The following BAAT variants were observed in gnomAD, a reference collection of about 807,000 sequenced individuals.
The protein encoded by BAAT is bile acid-CoA:amino acid N-acyltransferase.
BAAT carries 13 observed loss-of-function variants against 18.9 expected under a neutral mutation model. That is an observed-to-expected ratio of 0.69 (90% CI 0.45 to 1.10). The LOEUF (loss-of-function observed/expected upper bound fraction) is 1.10. Among genes scored for constraint, BAAT ranks in the 50% least tolerant of loss-of-function variants. The pLI is 0.00. For missense variants in BAAT, 489 were observed against 504.0 expected (o/e 0.97, Z 0.28); for synonymous variants, 170 against 190.7 (o/e 0.89, Z 0.89).
At chr9:101,368,033 C>T (rs1046022174) in intron 3 of BAAT, 87 bp downstream of exon 3, 34 of 1,411,168 alleles carry the variant, frequency 2.4e-5, no homozygotes, top group East Asian at 2.1e-4. Context: ...GCCTGGGTGA[C>T]GGAGCAAGAC....
chr9:101,373,485 G>C (rs2119030055), intron 1 of BAAT, among the ~76,000 whole-genome samples: 1 of 152,214 alleles, frequency 6.6e-6, no homozygotes, highest in South Asian at 2.1e-4. Flanking sequence ...AGCTTTCAGG[G>C]CTAGCATAAA....
chr9:101,361,247 C>G lies in BAAT; in HGVS notation c.*1181G>C, dbSNP rs1404912843. Reference sequence around the variant, plus strand: ...TGTATGTCTCTAGATATTTAACTGACCCACTATATTCCTCAAGGATACTGC... The same window carrying G: ...TGTATGTCTCTAGATATTTAACTGAGCCACTATATTCCTCAAGGATACTGC... On this transcript the variant is annotated 3_prime_UTR_variant, in exon 4 of 4. Coordinates refer to ENST00000259407, the MANE Select transcript of BAAT (RefSeq NM_001701.4). 6.5e-6 allele frequency: 1 copy of G among 153,674 alleles called. No individual in the cohort carries two copies. Among genetic ancestry groups the G allele is most frequent in the Non-Finnish European group, 1.5e-5 (1 of 67,726 alleles). 9.5% of individuals were successfully genotyped at this position (153,674 alleles called of 1,614,324 possible). A position where few individuals can be genotyped will look rare whatever the true frequency, so the allele number is the denominator to read the frequency against.
chr9:101,382,598 T>C (rs1005928879), intron 1 of BAAT, among the ~76,000 whole-genome samples: 1 of 152,204 alleles, frequency 6.6e-6, no homozygotes, highest in African/African-American at 2.4e-5. Flanking sequence ...TTTCCTGTTC[T>C]AAAGCTTTTT....
At chr9:101,383,096 C>T (rs575183926) in intron 1 of BAAT, among the ~76,000 whole-genome samples, 56 of 152,204 alleles carry the variant, frequency 3.7e-4, no homozygotes, top group African/African-American at 1.2e-3. Flanking sequence ...CTATAAAATT[C>T]TAGGCAATAG....
Position 101,362,991 on chromosome 9 carries a change from CT to C in BAAT, c.693del (p.Val232SerfsTer17), listed in dbSNP as rs770975077. On this transcript the variant is annotated frameshift_variant, in exon 4 of 4. Coordinates refer to ENST00000259407, the MANE Select transcript of BAAT (RefSeq NM_001701.4). LOFTEE classifies it low-confidence loss of function (END_TRUNC). ...HPKVFGSGVG[V>X]VSVCQGVQIG... ...ATCTGTACTCCTTGACATACAGAGA[CT>C]ACCCCAACGCCTGAGCCAAAGACCT... The C allele has an allele frequency of 6.2e-7, 1 of 1,613,894 alleles. No individual in the cohort carries two copies. Among genetic ancestry groups the C allele is most frequent in the Non-Finnish European group, 8.5e-7 (1 of 1,179,954 alleles).
rs1240643351 is a variant in BAAT, at chr9:101,362,433, G to A, written c.1252C>T (p.Leu418Phe). 6.2e-7 allele frequency: 1 copy of A among 1,613,768 alleles called. No homozygotes were observed. The highest frequency in any genetic ancestry group is 1.3e-5 in the African/African-American group (1 of 74,908). Residue 418 changes from leucine (L) to phenylalanine (F), a missense_variant, in exon 4 of 4, where the codon CTC becomes TTC. Transcript: ENST00000259407. ...TCTAGGAATATCTAGTCTTCTTAGAGTTGACTGGTCACATCTGGAATGAGG... is the reference window on the plus strand; with the variant it reads ...TCTAGGAATATCTAGTCTTCTTAGAATTGACTGGTCACATCTGGAATGAGG... ...KHLIPDVTSQ[L>F]
At chr9:101,381,302 G>A (rs748129336) in intron 1 of BAAT, among the ~76,000 whole-genome samples, 8 of 151,872 alleles carry the variant, frequency 5.3e-5, no homozygotes, top group Non-Finnish European at 7.4e-5. Context: ...TATGAGGACC[G>A]GTTGATCCCA....
At chr9:101,379,513 T>G (rs1410567323) in intron 1 of BAAT, among the ~76,000 whole-genome samples, 3 of 152,248 alleles carry the variant, frequency 2.0e-5, no homozygotes, top group African/African-American at 4.8e-5. Context: ...TGCTGCACTT[T>G]ATGCAAATAA....
At chr9:101,368,588 T>C (rs1327449609) in intron 2 of BAAT, among the ~76,000 whole-genome samples, 1 of 152,156 alleles carries the variant, frequency 6.6e-6, no homozygotes, top group Non-Finnish European at 1.5e-5. Context: ...GAATATATAA[T>C]GGAACACAAT....
At chr9:101,380,724 T>G (rs1053473132) in intron 1 of BAAT, among the ~76,000 whole-genome samples, 2 of 152,160 alleles carry the variant, frequency 1.3e-5, no homozygotes, top group Admixed American at 6.5e-5. Context: ...CATTGTAAAA[T>G]TTTTTTAAGT....
chr9:101,374,059 C>T (rs558467538), intron 1 of BAAT, among the ~76,000 whole-genome samples: 154 of 152,232 alleles, frequency 1.0e-3, no homozygotes, highest in African/African-American at 3.5e-3. Context: ...GACTTTACGC[C>T]TATTAATTTT....
chr9:101,364,706 A>G (rs1241164973), intron 3 of BAAT, among the ~76,000 whole-genome samples: 1 of 152,192 alleles, frequency 6.6e-6, no homozygotes, highest in Admixed American at 6.5e-5. Flanking sequence ...AGAAAACACC[A>G]ACTTTATGGT....
chr9:101,362,377 G>A lies in BAAT; in HGVS notation c.*51C>T. ...CATTCCGCCATGAAAATTGAGAGAA[G>A]GTCCCGGTAAAGAGATTTGCTTCTT... On this transcript the variant is annotated 3_prime_UTR_variant, in exon 4 of 4. Transcript: ENST00000259407. 1.3e-6 allele frequency: 2 copies of A among 1,566,328 alleles called. No individual in the cohort carries two copies. The highest frequency in any genetic ancestry group is 1.8e-6 in the Non-Finnish European group (2 of 1,140,828).
At chr9:101,369,682 A>G (rs1409595394) in intron 2 of BAAT, among the ~76,000 whole-genome samples, 2 of 152,222 alleles carry the variant, frequency 1.3e-5, no homozygotes, top group East Asian at 1.9e-4. Context: ...CTTGGTCCCT[A>G]TACATAATAA....
chr9:101,369,362 A>G (rs1323265116), intron 2 of BAAT, among the ~76,000 whole-genome samples: 1 of 152,238 alleles, frequency 6.6e-6, no homozygotes, highest in African/African-American at 2.4e-5. Context: ...GGATGTTTTT[A>G]CCATCTGATT....
intron 3 of BAAT, among the ~76,000 whole-genome samples, chr9:101,367,502 C>CT (rs34003904): frequency 0.29 from 42,161 of 144,446 alleles, 6,147 homozygotes; most frequent in East Asian, 0.53. Flanking sequence ...ATGCATTATC[C>CT]TTTTTTTTTT....
intron 1 of BAAT, among the ~76,000 whole-genome samples, chr9:101,380,854 G>T (rs1025960300): frequency 6.6e-6 from 1 of 152,090 alleles, no homozygotes; most frequent in Non-Finnish European, 1.5e-5. Flanking sequence ...CCCAGTTCAA[G>T]TGATTCTCCT....
intron 1 of BAAT, among the ~76,000 whole-genome samples, chr9:101,380,578 G>C (rs1830116267): frequency 6.6e-6 from 1 of 152,148 alleles, no homozygotes; most frequent in African/African-American, 2.4e-5. Flanking sequence ...CTAGGTAGAA[G>C]CTGTATCCTT....
intron 1 of BAAT, among the ~76,000 whole-genome samples, chr9:101,374,977 G>T (rs1229729497): frequency 6.6e-6 from 1 of 152,108 alleles, no homozygotes; most frequent in Admixed American, 6.6e-5. Flanking sequence ...TTTGATATGG[G>T]ATCTATCCCA....
Sources: gnomAD v4.1 joint callset for allele counts (sites outside exome capture counted in the v4.1 genomes callset) on GRCh38, gnomAD v4.1.1 for gene constraint, MANE v1.5 for transcripts, NCBI Gene and HGNC (gene_info 2026-07-23, HGNC 2026-07-21) for gene names.